COMMD1: variants seen among roughly 807,000 people sequenced by gnomAD.
COMMD1 encodes the protein COMM domain-containing protein 1.
A neutral mutation model predicts 17.2 loss-of-function variants in COMMD1; 10 were observed. The ratio of observed to expected loss-of-function variants is 0.58; its 90% CI spans 0.36 to 0.99. The LOEUF (loss-of-function observed/expected upper bound fraction) is 0.99, where lower values mean the gene tolerates loss of function less well. Ranked by LOEUF, COMMD1 falls within the 50% of genes least tolerant of loss-of-function variation. The probability of loss-of-function intolerance (pLI) is 0.01; values close to 1 mark genes in which losing one functional copy is unlikely to be tolerated. For missense variants in COMMD1, 270 were observed against 231.8 expected (o/e 1.17, Z -1.07); for synonymous variants, 97 against 91.6 (o/e 1.06, Z -0.34).
Position 62,079,338 on chromosome 2 carries a change from C to T in COMMD1, c.463-56493C>T, listed in dbSNP as rs116097435. Among the ~76,000 whole-genome samples, 737 of 152,302 alleles carry T rather than the reference C, an allele frequency of 4.8e-3. 6 individuals carry two copies. The highest frequency in any genetic ancestry group is 0.017 in the African/African-American group (699 of 41,570). ...AAAGATCATGGGGGGATGTGCTCTG[C>T]TACAAGCATTCGTTCTTAATTACTG... On this transcript the variant is annotated intron_variant, in intron 2 of 2. Transcript: ENST00000311832.
Position 61,919,556 on chromosome 2 carries a change from T to TTTC in COMMD1, c.180+13699_180+13701dup, listed in dbSNP as rs1310593755. Among the ~76,000 whole-genome samples, 7 of 151,952 alleles carry TTTC rather than the reference T, an allele frequency of 4.6e-5. No individual in the cohort carries two copies. The South Asian group carries it at 1.5e-3, about 32-fold the overall frequency. On this transcript the variant is annotated intron_variant, in intron 1 of 2. Coordinates refer to ENST00000311832, the MANE Select transcript of COMMD1 (RefSeq NM_152516.4). ...AGGCTTCATCGCGTTTTTTTTTTTT[T>TTTC]TTCATTGAGTAGAGAACCAGTTTTT...
intron 1 of COMMD1, among the ~76,000 whole-genome samples, chr2:61,927,416 G>C (rs1228509148): frequency 6.6e-6 from 1 of 151,916 alleles, no homozygotes; most frequent in Non-Finnish European, 1.5e-5. Context: ...TTTTTTAGAT[G>C]GAGTCTCACT....
intron 2 of COMMD1, among the ~76,000 whole-genome samples, chr2:62,106,504 A>G (rs914405306): frequency 6.6e-6 from 1 of 152,132 alleles, no homozygotes; most frequent in Admixed American, 6.6e-5. Context: ...CAGCTTTTCA[A>G]CCCTACCACT....
intron 1 of COMMD1, among the ~76,000 whole-genome samples, chr2:61,961,500 A>AAT (rs1480802581): frequency 3.9e-5 from 6 of 152,256 alleles, no homozygotes; most frequent in Middle Eastern, 3.4e-3. Flanking sequence ...GCTGATTTGG[A>AAT]ATATATATAT....
At chr2:61,905,322 A>G (rs1394056785), upstream of COMMD1, among the ~76,000 whole-genome samples, 2 of 152,238 alleles carry the variant, frequency 1.3e-5, no homozygotes, top group Non-Finnish European at 2.9e-5. Flanking sequence ...TGGGTTGGCA[A>G]GTCCTGGAAT....
intron 1 of COMMD1, among the ~76,000 whole-genome samples, chr2:61,998,246 C>CT (rs71410912): frequency 0.08 from 10,092 of 126,588 alleles, 431 homozygotes; most frequent in African/African-American, 0.09. Context: ...GTTGTGCTTT[C>CT]TTTTTTTTTT....
chr2:62,032,009 CTT>C (rs924665292), intron 2 of COMMD1, among the ~76,000 whole-genome samples: 5 of 152,276 alleles, frequency 3.3e-5, no homozygotes, highest in African/African-American at 1.2e-4. Context: ...GCCTTTAACA[CTT>C]TAGTATGTAT....
chr2:62,072,662 T>C (rs991780103), intron 2 of COMMD1, among the ~76,000 whole-genome samples: 1 of 152,062 alleles, frequency 6.6e-6, no homozygotes, highest in Non-Finnish European at 1.5e-5. Flanking sequence ...ACCACAGGAG[T>C]GAAGACTGGC....
At chr2:62,053,539 T>C (rs1299546660) in intron 2 of COMMD1, among the ~76,000 whole-genome samples, 1 of 152,216 alleles carries the variant, frequency 6.6e-6, no homozygotes, top group African/African-American at 2.4e-5. Context: ...AGAGAGCCAG[T>C]TCCTTCTTCT....
chr2:62,099,351 G>A (rs983852685), intron 2 of COMMD1, among the ~76,000 whole-genome samples: 1 of 152,132 alleles, frequency 6.6e-6, no homozygotes, highest in Admixed American at 6.5e-5. Context: ...GGGAGCCTCA[G>A]TTTTCTAATC....
chr2:61,990,901 T>TACACACACACACACACAC (rs1332695175), intron 1 of COMMD1, among the ~76,000 whole-genome samples: 1 of 42,700 alleles, frequency 2.3e-5, no homozygotes, highest in South Asian at 1.0e-3. Flanking sequence ...AATATATATA[T>TACACACACACACACACAC]ATACACACAC....
Position 61,994,926 on chromosome 2 carries a change from A to G in COMMD1, c.181-5775A>G, listed in dbSNP as rs1398182636. ...ATCTGTCTGGTTTGGAGCTTATGCC[A>G]GTCCCCATGGCCACTAGCAGATAGG... On this transcript the variant is annotated intron_variant, in intron 1 of 2. Coordinates refer to ENST00000311832, the MANE Select transcript of COMMD1 (RefSeq NM_152516.4). Among the ~76,000 whole-genome samples the G allele has an allele frequency of 6.6e-5, 10 of 152,254 alleles. 1 individual carries two copies. In the South Asian group the frequency reaches 2.1e-3, roughly 32 times the overall value.
intron 2 of COMMD1, among the ~76,000 whole-genome samples, chr2:62,025,849 C>G (rs775961784): frequency 6.6e-6 from 1 of 151,964 alleles, no homozygotes; most frequent in Non-Finnish European, 1.5e-5. Context: ...CTACCATGCC[C>G]GGCTAATTTT....
At chr2:61,990,885 A>AT (rs1260266639) in intron 1 of COMMD1, among the ~76,000 whole-genome samples, 1,369 of 90,520 alleles carry the variant, frequency 0.015, 14 homozygotes, top group African/African-American at 0.061. Flanking sequence ...TACAAAAAAA[A>AT]AAAAAAATAT....
intron 2 of COMMD1, among the ~76,000 whole-genome samples, chr2:62,076,925 A>C (rs559395353): frequency 6.6e-6 from 1 of 152,126 alleles, no homozygotes; most frequent in African/African-American, 2.4e-5. Context: ...TGAGCCCAAG[A>C]GTTTGAGACT....
At chr2:62,093,218 G>A (rs951064084) in intron 2 of COMMD1, among the ~76,000 whole-genome samples, 5 of 152,110 alleles carry the variant, frequency 3.3e-5, no homozygotes, top group Admixed American at 6.5e-5. Flanking sequence ...TTGTGATGGC[G>A]GCATCTGGAT....
intron 1 of COMMD1, among the ~76,000 whole-genome samples, chr2:61,979,827 C>T (rs1671908779): frequency 6.9e-6 from 1 of 144,206 alleles, no homozygotes; most frequent in East Asian, 2.1e-4. Context: ...ATACATGTGC[C>T]ATGCTGGTGC....
intron 1 of COMMD1, among the ~76,000 whole-genome samples, chr2:61,910,294 A>G (rs1342868915): frequency 6.6e-6 from 1 of 151,300 alleles, no homozygotes; most frequent in Non-Finnish European, 1.5e-5. Flanking sequence ...TCTCTTGCCC[A>G]GGCTGGAGTG....
chr2:62,054,751 AGTGG>A (rs1670640825), intron 2 of COMMD1, among the ~76,000 whole-genome samples: 1 of 152,186 alleles, frequency 6.6e-6, no homozygotes, highest in Non-Finnish European at 1.5e-5. Flanking sequence ...GAAATTGGTT[AGTGG>A]GTACAATTTA....
Sources: allele counts gnomAD v4.1 joint callset (sites outside exome capture counted in the v4.1 genomes callset), GRCh38; gene constraint gnomAD v4.1.1; transcripts MANE v1.5; gene names NCBI Gene and HGNC (gene_info 2026-07-23, HGNC 2026-07-21).